FGD4: variants seen among roughly 807,000 people sequenced by gnomAD.
FGD4 encodes FYVE, RhoGEF and PH domain containing 4, also known as FYVE, RhoGEF and PH domain-containing protein 4.
FGD4 carries 42 observed loss-of-function variants against 102.0 expected under a neutral mutation model. The ratio of observed to expected loss-of-function variants is 0.41; its 90% CI spans 0.32 to 0.53. The LOEUF (loss-of-function observed/expected upper bound fraction) is 0.53. FGD4 is among the 20% of genes least tolerant of loss of function. The pLI is 0.21. For missense variants in FGD4, 902 were observed against 1,078.2 expected (o/e 0.84, Z 2.29); for synonymous variants, 380 against 375.7 (o/e 1.01, Z -0.13).
chr12:32,411,966 C>T (rs1242389148), intron 1 of FGD4, among the ~76,000 whole-genome samples: 2 of 152,078 alleles, frequency 1.3e-5, no homozygotes, highest in Non-Finnish European at 2.9e-5. Context: ...CAGAGCGAGA[C>T]TCCATCTCAA....
At chr12:32,458,653 T>C (rs1253847480) in intron 1 of FGD4, among the ~76,000 whole-genome samples, 1 of 152,206 alleles carries the variant, frequency 6.6e-6, no homozygotes, top group Non-Finnish European at 1.5e-5. Flanking sequence ...ATAACAATTA[T>C]TGGAACTAGT....
intron 1 of FGD4, among the ~76,000 whole-genome samples, chr12:32,448,724 G>GA (rs1942692057): frequency 6.6e-6 from 1 of 151,908 alleles, no homozygotes; most frequent in Non-Finnish European, 1.5e-5. Context: ...TGTTTAGCAG[G>GA]GGGAAGGAAA....
chr12:32,432,312 G>A (rs558674374), intron 1 of FGD4, among the ~76,000 whole-genome samples: 3 of 149,866 alleles, frequency 2.0e-5, no homozygotes, highest in South Asian at 2.1e-4. Flanking sequence ...CGCCTGCCTC[G>A]GCCTCCCAAA....
At chr12:32,421,395 T>G (rs986050196) in intron 1 of FGD4, among the ~76,000 whole-genome samples, 2 of 152,250 alleles carry the variant, frequency 1.3e-5, no homozygotes, top group African/African-American at 4.8e-5. Context: ...TATGTCCCTT[T>G]TAGTTTAACA....
intron 1 of FGD4, among the ~76,000 whole-genome samples, chr12:32,509,241 C>CT (rs35053299): frequency 0.048 from 6,404 of 132,630 alleles, 383 homozygotes; most frequent in African/African-American, 0.14. Context: ...CTTTTATTCT[C>CT]TTTTTTTTTT....
chr12:32,560,358 C>T (rs1944437723), intron 1 of FGD4, among the ~76,000 whole-genome samples: 3 of 152,030 alleles, frequency 2.0e-5, no homozygotes, highest in Admixed American at 2.0e-4. Context: ...TTTAAGCCAT[C>T]CTCGCACCTC....
intron 1 of FGD4, among the ~76,000 whole-genome samples, chr12:32,486,943 A>G (rs1420447209): frequency 6.6e-6 from 1 of 152,164 alleles, no homozygotes; most frequent in Non-Finnish European, 1.5e-5. Context: ...CTTTGTAGCT[A>G]TTGTTTTGTG....
intron 10 of FGD4, among the ~76,000 whole-genome samples, chr12:32,614,355 G>A (rs1284005827): frequency 1.3e-5 from 2 of 152,152 alleles, no homozygotes; most frequent in Non-Finnish European, 2.9e-5. Flanking sequence ...CACAATCAGA[G>A]CAATGGTTAC....
chr12:32,595,717 G>A (rs112159217), intron 4 of FGD4, among the ~76,000 whole-genome samples: 1 of 152,170 alleles, frequency 6.6e-6, no homozygotes, highest in Non-Finnish European at 1.5e-5. Flanking sequence ...AATATGCCAG[G>A]CTGGCAACCA....
chr12:32,599,008 T>C (rs564095138), intron 5 of FGD4, among the ~76,000 whole-genome samples: 77 of 152,318 alleles, frequency 5.1e-4, no homozygotes, highest in Admixed American at 9.2e-4. Context: ...GGTGTAGTCA[T>C]AGGGCCAGAA....
chr12:32,454,447 T>C (rs1387225198), intron 1 of FGD4, among the ~76,000 whole-genome samples: 1 of 152,226 alleles, frequency 6.6e-6, no homozygotes, highest in Non-Finnish European at 1.5e-5. Flanking sequence ...GAGGATTTTA[T>C]AGCAAAGAGA....
chr12:32,515,373 G>T (rs769139766), intron 1 of FGD4, among the ~76,000 whole-genome samples: 8 of 152,176 alleles, frequency 5.3e-5, no homozygotes, highest in Non-Finnish European at 8.8e-5. Context: ...CCTGGTCATT[G>T]TTGTGCTCCC....
intron 1 of FGD4, among the ~76,000 whole-genome samples, chr12:32,400,183 T>A (rs1168700917): frequency 1.3e-5 from 2 of 152,250 alleles, no homozygotes; most frequent in Non-Finnish European, 2.9e-5. Flanking sequence ...GAGCTTGTCC[T>A]GGAGGTCACT....
At chr12:32,480,971 T>C (rs1200955459) in intron 1 of FGD4, among the ~76,000 whole-genome samples, 1 of 150,606 alleles carries the variant, frequency 6.6e-6, no homozygotes, top group East Asian at 1.9e-4. Context: ...ACCCGGCCAA[T>C]GTAAAAATAA....
chr12:32,615,242 T>C (rs1246554493), intron 10 of FGD4, among the ~76,000 whole-genome samples: 1 of 152,244 alleles, frequency 6.6e-6, no homozygotes, highest in Non-Finnish European at 1.5e-5. Flanking sequence ...AGTATGGTTC[T>C]ATTTATATGA....
chr12:32,514,525 GT>G (rs991755971), intron 1 of FGD4, among the ~76,000 whole-genome samples: 16 of 151,908 alleles, frequency 1.1e-4, no homozygotes, highest in African/African-American at 3.9e-4. Flanking sequence ...TTTTGTTTTT[GT>G]TTTGAGACAG....
At position 32,581,979 on chromosome 12, in the gene FGD4, G is replaced by A. The variant is rs1946654345; in HGVS notation, c.523G>A (p.Asp175Asn). 2 of 1,614,062 alleles carry A rather than the reference G, an allele frequency of 1.2e-6. No homozygotes were observed. The highest frequency in any genetic ancestry group is 1.7e-6 in the Non-Finnish European group (2 of 1,179,984). The change falls in exon 4 of 17, where the codon GAT (aspartate) becomes AAT (asparagine). Residue 175 changes from aspartate to asparagine, a missense_variant. Asp to Asn is a conservative substitution (Grantham distance 23). Coordinates refer to ENST00000534526, the MANE Select transcript of FGD4 (RefSeq NM_001370298.3). The part of the protein sequence containing the change: ...EGGSSLSNYS[D>N]LKKESAVNLN... ...TTTTAGCTCATTATCAAATTATAGT[G>A]ATTTGAAGAAAGAGTCTGCTGTGAA...
chr12:32,613,471 G>T (rs1949271027), intron 10 of FGD4, among the ~76,000 whole-genome samples: 1 of 152,170 alleles, frequency 6.6e-6, no homozygotes, highest in Non-Finnish European at 1.5e-5. Context: ...ATCAGTTTGA[G>T]GCCAGGCACA....
intron 1 of FGD4, among the ~76,000 whole-genome samples, chr12:32,474,507 G>T (rs545487162): frequency 6.6e-6 from 1 of 152,322 alleles, no homozygotes; most frequent in African/African-American, 2.4e-5. Context: ...TGTGTTGTAT[G>T]CTTCCATGTA....
Sources: gnomAD v4.1 joint callset for allele counts (sites outside exome capture counted in the v4.1 genomes callset) on GRCh38, gnomAD v4.1.1 for gene constraint, MANE v1.5 for transcripts, NCBI Gene and HGNC (gene_info 2026-07-23, HGNC 2026-07-21) for gene names.